Variants in CDH9 observed in about 807,000 individuals in gnomAD.
CDH9 encodes the protein cadherin 9.
Under a neutral mutation model 70.9 loss-of-function variants are expected in CDH9, and 28 were observed. The ratio of observed to expected loss-of-function variants is 0.40; its 90% CI spans 0.29 to 0.54. CDH9 has a LOEUF of 0.54. CDH9 is among the 20% of genes least tolerant of loss of function. The pLI, the probability that CDH9 is intolerant of heterozygous loss-of-function variation, is 0.59. For synonymous variants in CDH9, 409 were observed against 343.1 expected, an observed-to-expected ratio of 1.19 and a Z score of -2.12; for missense variants, 874 against 984.4, an observed-to-expected ratio of 0.89 and a Z score of 1.50.
chr5:26,919,054 A>T (rs981947550), intron 2 of CDH9, among the ~76,000 whole-genome samples: 6 of 152,156 alleles, frequency 3.9e-5, no homozygotes, highest in African/African-American at 1.4e-4. Context: ...AATTCCTCCC[A>T]CAGGAACATC....
At chr5:27,028,796 C>T (rs1445864482) in intron 1 of CDH9, among the ~76,000 whole-genome samples, 1 of 151,802 alleles carries the variant, frequency 6.6e-6, no homozygotes, top group Non-Finnish European at 1.5e-5. Flanking sequence ...TTGCCAAAAA[C>T]CAAAAACTTA....
At chr5:26,994,905 C>G (rs577677923) in intron 1 of CDH9, among the ~76,000 whole-genome samples, 1 of 152,196 alleles carries the variant, frequency 6.6e-6, no homozygotes, top group Admixed American at 6.5e-5. Flanking sequence ...ATAGCCATCT[C>G]CTCATTCTTT....
At chr5:27,020,470 C>T (rs1376817337) in intron 1 of CDH9, among the ~76,000 whole-genome samples, 1 of 151,080 alleles carries the variant, frequency 6.6e-6, no homozygotes, top group Non-Finnish European at 1.5e-5. Context: ...AAAAATTAAC[C>T]AAATGTGATG....
intron 1 of CDH9, among the ~76,000 whole-genome samples, chr5:27,002,473 A>G (rs1277159413): frequency 6.6e-6 from 1 of 152,176 alleles, no homozygotes; most frequent in Admixed American, 6.5e-5. Flanking sequence ...ATGCACACGT[A>G]TGTTTATTGT....
chr5:26,900,417 G>A (rs1053408672), intron 7 of CDH9, among the ~76,000 whole-genome samples: 8 of 151,936 alleles, frequency 5.3e-5, no homozygotes, highest in East Asian at 1.9e-4. Context: ...TCTTATAAGC[G>A]TCATGCAAAA....
chr5:26,917,028 T>A (rs895510167), intron 2 of CDH9, among the ~76,000 whole-genome samples: 7 of 152,070 alleles, frequency 4.6e-5, no homozygotes, highest in African/African-American at 1.7e-4. Flanking sequence ...ATTGAATATT[T>A]ACAACAAACA....
chr5:26,893,943 G>T (rs140321216), intron 7 of CDH9, among the ~76,000 whole-genome samples: 15 of 151,960 alleles, frequency 9.9e-5, no homozygotes, highest in Admixed American at 2.6e-4. Flanking sequence ...ATTGATGTTG[G>T]GACCAAATCA....
rs568693690 is a variant in CDH9, at chr5:26,881,189, G to C, written c.2317C>G (p.Arg773Gly). 1.2e-6 allele frequency: 2 copies of C among 1,612,660 alleles called. No homozygotes were observed. The highest frequency in any genetic ancestry group is 1.7e-6 in the Non-Finnish European group (2 of 1,179,228). The change falls in exon 12 of 12, where the codon CGT becomes GGT. Residue 773 changes from arginine (R) to glycine (G), a missense_variant. Arg to Gly is a moderately radical substitution (Grantham distance 125). Transcript: ENST00000231021. The stretch of plus-strand genomic sequence containing the variant: ...TACATATCGGCAAGTTTTTTGAAAC[G>C]AGGCCCCCAGTCACTGAGGTAATCA... Reference protein sequence around the residue: ...DYDYLSDWGPRFKKLADMYGG... With the variant: ...DYDYLSDWGPGFKKLADMYGG...
At chr5:26,961,316 A>G (rs558120988) in intron 2 of CDH9, among the ~76,000 whole-genome samples, 1 of 152,268 alleles carries the variant, frequency 6.6e-6, no homozygotes, top group South Asian at 2.1e-4. Flanking sequence ...TGTTATTATC[A>G]GCTATAGTTA....
At chr5:26,886,885 C>T (rs1018324545) in intron 9 of CDH9, among the ~76,000 whole-genome samples, 1 of 152,092 alleles carries the variant, frequency 6.6e-6, no homozygotes, top group African/African-American at 2.4e-5. Context: ...GGGTTGCCTC[C>T]CATCTGTGTG....
intron 2 of CDH9, among the ~76,000 whole-genome samples, chr5:26,964,222 C>G (rs1436444772): frequency 6.6e-6 from 1 of 152,020 alleles, no homozygotes; most frequent in Non-Finnish European, 1.5e-5. Flanking sequence ...CATACACACA[C>G]AAGCACACGC....
chr5:26,906,938 CG>C, intron 3 of CDH9, 100 bp from the exon 4 acceptor site: 1 of 1,365,374 alleles, frequency 7.3e-7, no homozygotes. Context: ...TTGTATTAGA[CG>C]ATGTTGTATG....
chr5:26,939,842 T>C (rs1476113559), intron 2 of CDH9, among the ~76,000 whole-genome samples: 1 of 152,040 alleles, frequency 6.6e-6, no homozygotes, highest in East Asian at 1.9e-4. Context: ...GAAATAAAAG[T>C]AAAACTAATT....
intron 1 of CDH9, among the ~76,000 whole-genome samples, chr5:26,999,603 A>G (rs142010278): frequency 1.3e-5 from 2 of 152,326 alleles, no homozygotes; most frequent in African/African-American, 4.8e-5. Flanking sequence ...CATTTGACAA[A>G]GGGACAAAGG....
At chr5:26,991,043 G>A (rs1435748630) in intron 1 of CDH9, among the ~76,000 whole-genome samples, 2 of 152,136 alleles carry the variant, frequency 1.3e-5, no homozygotes, top group Non-Finnish European at 2.9e-5. Flanking sequence ...AAAGCAGTTG[G>A]AAGATTTTAA....
intron 2 of CDH9, among the ~76,000 whole-genome samples, chr5:26,964,805 C>T (rs992631452): frequency 4.2e-5 from 5 of 120,040 alleles, no homozygotes; most frequent in African/African-American, 1.3e-4. Flanking sequence ...CCCCAACAGG[C>T]CCCAGTGTGT....
intron 2 of CDH9, among the ~76,000 whole-genome samples, chr5:26,940,173 A>AG: frequency 6.6e-6 from 1 of 151,740 alleles, no homozygotes; most frequent in Non-Finnish European, 1.5e-5. Context: ...AAAAAAAAAA[A>AG]AAGAAAGGAG....
At chr5:26,991,968 G>T (rs1352641117) in intron 1 of CDH9, among the ~76,000 whole-genome samples, 1 of 152,232 alleles carries the variant, frequency 6.6e-6, no homozygotes, top group Non-Finnish European at 1.5e-5. Flanking sequence ...ACTATGACTT[G>T]AATACATACG....
intron 1 of CDH9, among the ~76,000 whole-genome samples, chr5:26,994,273 G>A (rs1742630549): frequency 6.6e-6 from 1 of 152,082 alleles, no homozygotes; most frequent in African/African-American, 2.4e-5. Context: ...GGCCTATTGG[G>A]ATGAAATGAA....
Sources: allele counts gnomAD v4.1 joint callset (sites outside exome capture counted in the v4.1 genomes callset), GRCh38; gene constraint gnomAD v4.1.1; transcripts MANE v1.5; gene names NCBI Gene and HGNC (gene_info 2026-07-23, HGNC 2026-07-21).